Variants in PPA2 observed in about 807,000 individuals in gnomAD.
PPA2 encodes inorganic pyrophosphatase 2, mitochondrial.
A neutral mutation model predicts 49.5 loss-of-function variants in PPA2; 48 were observed. The ratio of observed to expected loss-of-function variants is 0.97; its 90% confidence interval spans 0.77 to 1.23. The LOEUF (loss-of-function observed/expected upper bound fraction) is 1.23, where lower values mean the gene tolerates loss of function less well. Ranked by LOEUF, PPA2 falls within the 50% of genes most tolerant of loss-of-function variation. The probability of loss-of-function intolerance (pLI) is 0.00; values close to 1 mark genes in which losing one functional copy is unlikely to be tolerated. For synonymous variants in PPA2, 131 were observed against 139.9 expected (o/e 0.94, Z 0.45); for missense variants, 429 against 410.1 (o/e 1.05, Z -0.40).
In PPA2 at chr4:105,396,245, T is replaced by A. The variant is rs752480899; in HGVS notation, c.869+4A>T. ...TTACTTACATAGAAAAGACAAATTC[T>A]TACCAATTTATAGCTCCTCCATTAC... is the stretch of plus-strand genomic sequence containing the variant. On this transcript the variant is annotated splice_donor_region_variant and intron_variant, in intron 9 of 11. Transcript: ENST00000341695. The A allele has an allele frequency of 9.2e-5, 142 of 1,541,970 alleles. 3 individuals carry two copies. In the South Asian group the frequency reaches 1.7e-3, roughly 18 times the overall value.
chr4:105,421,814 G>A (rs1170882776), intron 7 of PPA2, among the ~76,000 whole-genome samples: 2 of 152,098 alleles, frequency 1.3e-5, no homozygotes, highest in Non-Finnish European at 2.9e-5. Flanking sequence ...AGGCTGAGGC[G>A]GGTAGATCCC....
intron 1 of PPA2, among the ~76,000 whole-genome samples, chr4:105,467,395 G>A (rs1723348342): frequency 6.6e-6 from 1 of 152,232 alleles, no homozygotes; most frequent in African/African-American, 2.4e-5. Context: ...CAGGATGGCA[G>A]GAGGACACTG....
At chr4:105,426,742 A>G (rs1723531031) in intron 6 of PPA2, among the ~76,000 whole-genome samples, 1 of 152,186 alleles carries the variant, frequency 6.6e-6, no homozygotes, top group Non-Finnish European at 1.5e-5. Context: ...CAGCAGGCCT[A>G]CTCCCTCTCT....
intron 4 of PPA2, 31 bp from the exon 5 acceptor site, chr4:105,446,533 A>C (rs375720126): frequency 1.3e-6 from 2 of 1,589,580 alleles, no homozygotes; most frequent in Non-Finnish European, 1.7e-6. Context: ...AGAAAAGGAG[A>C]TGGGATAAGA....
At position 105,450,601 on chromosome 4, in the gene PPA2, C is replaced by CTTTTTTTTTTTTTTTTTTTTTTTTT. The variant is rs575896250; in HGVS notation, c.268-1199_268-1198insAAAAAAAAAAAAAAAAAAAAAAAAA. 1.1e-4 allele frequency among the ~76,000 whole-genome samples: 9 copies of CTTTTTTTTTTTTTTTTTTTTTTTTT among 82,664 alleles called. 3 individuals are homozygous for CTTTTTTTTTTTTTTTTTTTTTTTTT. Among genetic ancestry groups the CTTTTTTTTTTTTTTTTTTTTTTTTT allele is most frequent in the Non-Finnish European group, 1.8e-4 (8 of 43,410 alleles). 54.2% of individuals were successfully genotyped at this position (82,664 alleles called of 152,430 possible). A position where few individuals can be genotyped will look rare whatever the true frequency, so the allele number is the denominator to read the frequency against. ...ATGCTGGCCAGGCTGGTCTGGAATT[C>CTTTTTTTTTTTTTTTTTTTTTTTTT]TTTTTTTTTTTTTTTTTTTTTTTTG... On this transcript the variant is annotated intron_variant, in intron 3 of 11. Transcript: ENST00000341695.
intron 3 of PPA2, among the ~76,000 whole-genome samples, chr4:105,451,038 T>G (rs923126738): frequency 3.3e-5 from 5 of 152,162 alleles, no homozygotes; most frequent in Non-Finnish European, 2.9e-5. Flanking sequence ...ATACTTATTT[T>G]CGATCATGCC....
chr4:105,421,176 T>C (rs1424601822), intron 7 of PPA2, among the ~76,000 whole-genome samples: 3 of 152,172 alleles, frequency 2.0e-5, no homozygotes, highest in Admixed American at 6.5e-5. Flanking sequence ...ATTAGGGTAA[T>C]AGTAGAAATA....
intron 9 of PPA2, among the ~76,000 whole-genome samples, chr4:105,393,348 G>T (rs1734000680): frequency 6.6e-6 from 1 of 151,782 alleles, no homozygotes; most frequent in Non-Finnish European, 1.5e-5. Flanking sequence ...TTAAAAAGTA[G>T]CCAGGTGTGG....
Position 105,441,037 on chromosome 4 carries a change from T to G in PPA2, c.442-3001A>C, listed in dbSNP as rs187795658. On this transcript the variant is annotated intron_variant, in intron 5 of 11. Transcript: ENST00000341695. ...CCTCTAATTTAACTTGAAAATACAGTATAACTTCAACAGGAAAGGAAATCT... is the reference window on the plus strand; with the variant it reads ...CCTCTAATTTAACTTGAAAATACAGGATAACTTCAACAGGAAAGGAAATCT... 9.1e-4 allele frequency among the ~76,000 whole-genome samples: 139 copies of G among 152,340 alleles called. 4 individuals are homozygous for G. The highest frequency in any genetic ancestry group is 8.8e-5 in the Non-Finnish European group (6 of 68,032).
chr4:105,377,208 T>G (rs552275434), intron 10 of PPA2, among the ~76,000 whole-genome samples: 1 of 152,202 alleles, frequency 6.6e-6, no homozygotes, highest in South Asian at 2.1e-4. Context: ...CATAAAGGAG[T>G]GATATCCTCA....
chr4:105,471,525 G>A (rs911859925), intron 1 of PPA2, among the ~76,000 whole-genome samples: 1 of 152,152 alleles, frequency 6.6e-6, no homozygotes, highest in Non-Finnish European at 1.5e-5. Flanking sequence ...TTACACTTTA[G>A]TAACACTGAG....
intron 6 of PPA2, among the ~76,000 whole-genome samples, chr4:105,427,933 T>C (rs990909186): frequency 2.0e-5 from 3 of 152,152 alleles, no homozygotes; most frequent in Non-Finnish European, 4.4e-5. Flanking sequence ...GAAAAAATGT[T>C]AAGGGCAGCC....
At position 105,399,096 on chromosome 4, in the gene PPA2, T is replaced by C. The variant is rs1329378748; in HGVS notation, c.724A>G (p.Lys242Glu). ...EATLNWFRLYKVPDGKPENQF... is the reference protein window; with the variant it reads ...EATLNWFRLYEVPDGKPENQF... ...TTTTCTGGTTTTCCATCTGGTACCT[T>C]ATATAATCTAAACCAATTAAGAGTA... Residue 242 changes from lysine to glutamate, a missense_variant, in exon 8 of 12, where the codon AAG (lysine) becomes GAG (glutamate). Coordinates refer to ENST00000341695, the MANE Select transcript of PPA2 (RefSeq NM_176869.3). 1 of 1,611,164 alleles carries C rather than the reference T, an allele frequency of 6.2e-7. No homozygotes were observed. The highest frequency in any genetic ancestry group is 1.1e-5 in the South Asian group (1 of 90,182).
Position 105,424,193 on chromosome 4 carries a change from T to A in PPA2, c.655+3A>T. Reference sequence around the variant, plus strand: ...TTCACTTTCTGGAAAGTAACAGTCTTACCATGAAACTTTGAGGCTTCAGGA... The same window carrying A: ...TTCACTTTCTGGAAAGTAACAGTCTAACCATGAAACTTTGAGGCTTCAGGA... On this transcript the variant is annotated splice_donor_region_variant and intron_variant, in intron 7 of 11. Transcript: ENST00000341695. The A allele has an allele frequency of 1.2e-6, 2 of 1,600,516 alleles. No homozygotes were observed. Among genetic ancestry groups the A allele is most frequent in the Non-Finnish European group, 1.7e-6 (2 of 1,176,978 alleles).
chr4:105,459,939 A>T (rs898559638), intron 1 of PPA2, among the ~76,000 whole-genome samples: 1 of 152,210 alleles, frequency 6.6e-6, no homozygotes, highest in Non-Finnish European at 1.5e-5. Context: ...GCCACAAAAA[A>T]TTTTTTGGGG....
At chr4:105,399,310 T>TTGATGATACCTAGAGCAGCATCAC (rs1560612595) in intron 7 of PPA2, 146 bp from the exon 8 acceptor site, 2 of 688,690 alleles carry the variant, frequency 2.9e-6, no homozygotes, top group African/African-American at 3.6e-5. Flanking sequence ...AGCAGCATCA[T>TTGATGATACCTAGAGCAGCATCAC]CATTGATATG....
intron 10 of PPA2, among the ~76,000 whole-genome samples, chr4:105,381,622 T>C (rs1017022781): frequency 1.3e-5 from 2 of 152,100 alleles, no homozygotes; most frequent in Non-Finnish European, 2.9e-5. Flanking sequence ...TAAACAAAAT[T>C]ATCAATTCAT....
intron 9 of PPA2, among the ~76,000 whole-genome samples, chr4:105,392,346 GAA>G (rs1215062329): frequency 6.6e-6 from 1 of 151,972 alleles, no homozygotes; most frequent in Non-Finnish European, 1.5e-5. Context: ...CAGTGCTCCT[GAA>G]AAGAGAAGAG....
intron 7 of PPA2, among the ~76,000 whole-genome samples, chr4:105,408,176 G>A (rs1359634275): frequency 1.3e-5 from 2 of 152,082 alleles, no homozygotes; most frequent in Non-Finnish European, 2.9e-5. Context: ...TTAACCAACT[G>A]CCTTTGCCTT....
Sources: allele counts gnomAD v4.1 joint callset (sites outside exome capture counted in the v4.1 genomes callset), GRCh38; gene constraint gnomAD v4.1.1; transcripts MANE v1.5; gene names NCBI Gene and HGNC (gene_info 2026-07-23, HGNC 2026-07-21).